Variants in GNG4 observed in about 807,000 individuals in gnomAD.
The protein encoded by GNG4 is G protein subunit gamma 4.
Under a neutral mutation model 5.8 loss-of-function variants are expected in GNG4, and 4 were observed. The observed-to-expected ratio is 0.69, with a 90% confidence interval of 0.34 to 1.57. The LOEUF (loss-of-function observed/expected upper bound fraction) is 1.57, where lower values mean the gene tolerates loss of function less well. GNG4 is among the 40% of genes most tolerant of loss of function. The pLI, the probability that GNG4 is intolerant of heterozygous loss-of-function variation, is 0.06. For synonymous variants in GNG4, 29 were observed against 32.9 expected (o/e 0.88, Z 0.41); for missense variants, 96 against 95.1 (o/e 1.01, Z -0.04).
At chr1:235,634,507 G>A (rs1179171689) in intron 1 of GNG4, among the ~76,000 whole-genome samples, 4 of 152,208 alleles carry the variant, frequency 2.6e-5, no homozygotes, top group African/African-American at 4.8e-5. Context: ...CAGGAAGATC[G>A]TGAGTCATTT....
At chr1:235,571,913 C>A (rs1687353245) in intron 3 of GNG4, among the ~76,000 whole-genome samples, 1 of 152,194 alleles carries the variant, frequency 6.6e-6, no homozygotes, top group Admixed American at 6.5e-5. Flanking sequence ...TCAGGGCTCA[C>A]TGCAGCCTCA....
At chr1:235,611,380 G>T (rs1283897899) in intron 1 of GNG4, among the ~76,000 whole-genome samples, 1 of 151,970 alleles carries the variant, frequency 6.6e-6, no homozygotes, top group East Asian at 1.9e-4. Context: ...TTGCCATGTT[G>T]CCCTGGATGG....
At chr1:235,576,930 T>C (rs992632136) in intron 3 of GNG4, among the ~76,000 whole-genome samples, 3 of 152,198 alleles carry the variant, frequency 2.0e-5, no homozygotes. Flanking sequence ...TAATGAATAT[T>C]TCAGCTACGT....
intron 2 of GNG4, among the ~76,000 whole-genome samples, chr1:235,587,049 G>A (rs1223499200): frequency 6.6e-6 from 1 of 151,892 alleles, no homozygotes. Flanking sequence ...GGGATCAGCA[G>A]GGGTGAAGCC....
chr1:235,643,666 T>C (rs1657405259), intron 1 of GNG4, among the ~76,000 whole-genome samples: 1 of 152,196 alleles, frequency 6.6e-6, no homozygotes, highest in Non-Finnish European at 1.5e-5. Context: ...GAAAAGTCCT[T>C]CCATAGCACC....
chr1:235,553,849 C>T (rs919313379), intron 3 of GNG4, among the ~76,000 whole-genome samples: 14 of 152,198 alleles, frequency 9.2e-5, no homozygotes, highest in Non-Finnish European at 1.9e-4. Context: ...CTTCACTTCC[C>T]TCATTTGTAA....
At chr1:235,615,590 C>G (rs961606434) in intron 1 of GNG4, 61 of 216,664 alleles carry the variant, frequency 2.8e-4, no homozygotes, top group African/African-American at 1.4e-3. Flanking sequence ...GATTTCAACC[C>G]TCTGGAAGAT....
At position 235,550,124 on chromosome 1, in the gene GNG4, C is replaced by T. The variant is rs923994955; in HGVS notation, c.*1985G>A. The T allele has an allele frequency of 2.0e-5, 3 of 152,170 alleles. No individual in the cohort carries two copies. Among genetic ancestry groups the T allele is most frequent in the Admixed American group, 6.5e-5 (1 of 15,276 alleles). 9.4% of individuals were successfully genotyped at this position (152,170 alleles called of 1,614,324 possible). On this transcript the variant is annotated 3_prime_UTR_variant, in exon 4 of 4. Coordinates refer to ENST00000391854, the MANE Select transcript of GNG4 (RefSeq NM_001098722.2). ...CCCACTGTGTATTCTCCTCTTTCAT[C>T]GGGATCATATGAGTTTGGTTTAGGT...
chr1:235,634,662 G>C (rs181665413), intron 1 of GNG4, among the ~76,000 whole-genome samples: 1 of 152,340 alleles, frequency 6.6e-6, no homozygotes, highest in African/African-American at 2.4e-5. Flanking sequence ...TCCTTTGCTG[G>C]CTGGACGCAG....
intron 2 of GNG4, among the ~76,000 whole-genome samples, chr1:235,587,476 GAGA>G (rs1687817282): frequency 2.3e-5 from 1 of 43,524 alleles, no homozygotes; most frequent in African/African-American, 9.9e-5. Context: ...GGGTGAGTGT[GAGA>G]GTGTGGATGG....
At chr1:235,587,357 T>G (rs1571896665) in intron 2 of GNG4, among the ~76,000 whole-genome samples, 8 of 27,938 alleles carry the variant, frequency 2.9e-4, no homozygotes, top group South Asian at 1.4e-3. Flanking sequence ...GGGTCAGGGG[T>G]GGGGTGTGTG....
intron 3 of GNG4, among the ~76,000 whole-genome samples, chr1:235,559,938 C>A (rs549634416): frequency 6.6e-6 from 1 of 152,174 alleles, no homozygotes; most frequent in Non-Finnish European, 1.5e-5. Context: ...AATATCAAAG[C>A]CCTCACTTGT....
chr1:235,609,300 A>T (rs1209727432), intron 1 of GNG4, among the ~76,000 whole-genome samples: 2 of 152,040 alleles, frequency 1.3e-5, no homozygotes, highest in Non-Finnish European at 2.9e-5. Context: ...TCTTTTGGCT[A>T]TTGTGAATAA....
rs567710452 is a variant in GNG4, at chr1:235,642,964, C to G, written c.-123+6698G>C. On this transcript the variant is annotated intron_variant, in intron 1 of 3. Coordinates refer to ENST00000391854, the MANE Select transcript of GNG4 (RefSeq NM_001098722.2). The surrounding 1 kb of genome is among the most constrained non-coding windows in gnomAD (Gnocchi z 4.3). ...GTCCATCCATGCTCAGTCTGGAAAC[C>G]CTGGGATCCCAGACACCAGCCTCTC... 3.9e-5 allele frequency among the ~76,000 whole-genome samples: 6 copies of G among 152,274 alleles called. No homozygotes were observed. The highest frequency in any genetic ancestry group is 1.4e-4 in the African/African-American group (6 of 41,548).
intron 3 of GNG4, among the ~76,000 whole-genome samples, chr1:235,581,577 A>G (rs942645480): frequency 1.3e-5 from 2 of 151,482 alleles, no homozygotes. Context: ...CCTGCTATGT[A>G]AGATGTGCCT....
intron 1 of GNG4, among the ~76,000 whole-genome samples, chr1:235,640,049 G>A (rs1015592407): frequency 6.6e-6 from 1 of 152,154 alleles, no homozygotes; most frequent in Non-Finnish European, 1.5e-5. Flanking sequence ...GGGATCTTGT[G>A]CTCTGACAGA....
chr1:235,648,149 G>A lies in GNG4; in HGVS notation c.-123+1513C>T, dbSNP rs1315549247. On this transcript the variant is annotated intron_variant, in intron 1 of 3. Coordinates refer to ENST00000391854, the MANE Select transcript of GNG4 (RefSeq NM_001098722.2). The surrounding 1 kb of genome is among the most constrained non-coding windows in gnomAD (Gnocchi z 5.0). Reference sequence around the variant, plus strand: ...CTACATCCTCCACTGGCTTCCTTGGGCGAATTTTAAGGCCTATGAGCACTG... The same window carrying A: ...CTACATCCTCCACTGGCTTCCTTGGACGAATTTTAAGGCCTATGAGCACTG... Among the ~76,000 whole-genome samples the A allele has an allele frequency of 6.6e-6, 1 of 152,108 alleles. No homozygotes were observed. The highest frequency in any genetic ancestry group is 1.9e-4 in the East Asian group (1 of 5,184).
At position 235,591,533 on chromosome 1, in the gene GNG4, G is replaced by A. The variant is rs536665348; in HGVS notation, c.-11+3867C>T. Among the ~76,000 whole-genome samples, 14 of 152,284 alleles carry A rather than the reference G, an allele frequency of 9.2e-5. 1 individual carries two copies. The highest frequency in any genetic ancestry group is 6.5e-4 in the Admixed American group (10 of 15,302). ...ACCCTTTAGGCTCCACCTGAATAAC[G>A]CCCCTGCCTTTCTGAGACTGTCTGG... On this transcript the variant is annotated intron_variant, in intron 2 of 3. Coordinates refer to ENST00000391854, the MANE Select transcript of GNG4 (RefSeq NM_001098722.2).
intron 1 of GNG4, among the ~76,000 whole-genome samples, chr1:235,621,467 G>T (rs1466320014): frequency 6.7e-6 from 1 of 149,716 alleles, no homozygotes; most frequent in African/African-American, 2.5e-5. Flanking sequence ...AATTATTTTT[G>T]TATTTCTAGT....
Sources: gnomAD v4.1 joint callset for allele counts (sites outside exome capture counted in the v4.1 genomes callset) on GRCh38, gnomAD v4.1.1 for gene constraint, Gnocchi (gnomAD v3.1) non-coding constraint, MANE v1.5 for transcripts, NCBI Gene and HGNC (gene_info 2026-07-23, HGNC 2026-07-21) for gene names.